FARSB: variants seen among roughly 807,000 people sequenced by gnomAD.
FARSB encodes the protein phenylalanyl-tRNA synthetase subunit beta, also known as phenylalanine--tRNA ligase beta subunit.
FARSB carries 40 observed loss-of-function variants against 69.6 expected under a neutral mutation model. That is an observed-to-expected ratio of 0.57 (90% CI 0.45 to 0.75). The LOEUF is 0.75. Ranked by LOEUF, FARSB falls within the 30% of genes least tolerant of loss-of-function variation. FARSB has a pLI of 0.00. For synonymous variants in FARSB, 235 were observed against 247.2 expected (o/e 0.95, Z 0.46); for missense variants, 632 against 722.9 (o/e 0.87, Z 1.44).
At chr2:222,583,829 A>G (rs985763282) in intron 16 of FARSB, among the ~76,000 whole-genome samples, 5 of 151,978 alleles carry the variant, frequency 3.3e-5, no homozygotes, top group Admixed American at 2.0e-4. Context: ...TTTAAGAGGC[A>G]TTTCCCCCTT....
rs1342079054 is a variant in FARSB, at chr2:222,570,382, A to T, written c.*1489T>A. Among the ~76,000 whole-genome samples, 1 of 152,222 alleles carries T rather than the reference A, an allele frequency of 6.6e-6. No individual in the cohort carries two copies. Among genetic ancestry groups the T allele is most frequent in the Non-Finnish European group, 1.5e-5 (1 of 68,040 alleles). ...ACAGAGCTGTGAAGGGTCAGCTGGA[A>T]GTGTGTGTGTTCACAAATCTTACAG... On this transcript the variant is annotated 3_prime_UTR_variant, in exon 17 of 17. Transcript: ENST00000281828.
chr2:222,587,420 C>G (rs1272960158), intron 16 of FARSB, among the ~76,000 whole-genome samples: 2 of 152,034 alleles, frequency 1.3e-5, no homozygotes, highest in Non-Finnish European at 2.9e-5. Context: ...GATCTAAAAT[C>G]AACATCCTAA....
intron 16 of FARSB, among the ~76,000 whole-genome samples, chr2:222,596,653 G>GA (rs1390558237): frequency 6.6e-6 from 1 of 152,108 alleles, no homozygotes; most frequent in African/African-American, 2.4e-5. Context: ...TTTCTTAGTT[G>GA]AAAAAGCTGT....
intron 16 of FARSB, among the ~76,000 whole-genome samples, chr2:222,588,702 C>G (rs912055971): frequency 2.0e-5 from 3 of 152,184 alleles, no homozygotes; most frequent in African/African-American, 7.2e-5. Flanking sequence ...CACAAGCATT[C>G]CTGTACACCA....
At chr2:222,641,376 A>G (rs999473206) in intron 3 of FARSB, among the ~76,000 whole-genome samples, 1 of 152,214 alleles carries the variant, frequency 6.6e-6, no homozygotes, top group African/African-American at 2.4e-5. Flanking sequence ...AAAATAAGTG[A>G]AGACAAAGAT....
chr2:222,631,048 A>G (rs1691410092), intron 8 of FARSB, among the ~76,000 whole-genome samples: 1 of 152,200 alleles, frequency 6.6e-6, no homozygotes, highest in Admixed American at 6.5e-5. Flanking sequence ...ATGTCATAGA[A>G]AAAGCTTTCA....
chr2:222,613,135 C>T (rs564510605), intron 15 of FARSB, among the ~76,000 whole-genome samples: 31 of 152,270 alleles, frequency 2.0e-4, no homozygotes, highest in African/African-American at 5.3e-4. Context: ...AAAATGCTTT[C>T]CATTAAAAGA....
intron 1 of FARSB, among the ~76,000 whole-genome samples, chr2:222,652,032 C>T (rs1225593398): frequency 2.6e-5 from 4 of 152,278 alleles, no homozygotes; most frequent in Non-Finnish European, 5.9e-5. Context: ...CTCCCATTTC[C>T]GCCCCTTTGA....
rs529556587 is a variant in FARSB at position 222,605,384 on chromosome 2, T to G, written c.1463-5301A>C. Among the ~76,000 whole-genome samples the G allele has an allele frequency of 2.6e-5, 4 of 152,284 alleles. No individual in the cohort carries two copies. The South Asian group carries it at 8.3e-4, about 32-fold the overall frequency. Reference sequence around the variant, plus strand: ...GTATTGAAACAACTTTGGAGTTCCATTTTTGCTGTGAGAGAAGAGCCCAAC... The same window carrying G: ...GTATTGAAACAACTTTGGAGTTCCAGTTTTGCTGTGAGAGAAGAGCCCAAC... On this transcript the variant is annotated intron_variant, in intron 15 of 16. Transcript: ENST00000281828.
At chr2:222,645,012 C>T (rs1691813605) in intron 2 of FARSB, among the ~76,000 whole-genome samples, 1 of 149,890 alleles carries the variant, frequency 6.7e-6, no homozygotes, top group Non-Finnish European at 1.5e-5. Context: ...CAGAAGCTTA[C>T]ATCTTCTTTC....
intron 12 of FARSB, 84 bp from the exon 13 acceptor site, chr2:222,623,814 A>T: frequency 1.2e-6 from 1 of 826,404 alleles, no homozygotes; most frequent in South Asian, 1.5e-5. Flanking sequence ...ATGCCATTAA[A>T]ACTTTTTTAA....
At chr2:222,605,002 C>T (rs1690663767) in intron 15 of FARSB, among the ~76,000 whole-genome samples, 1 of 152,112 alleles carries the variant, frequency 6.6e-6, no homozygotes, top group Non-Finnish European at 1.5e-5. Context: ...GAGGAGCATA[C>T]CACTGTCACC....
chr2:222,656,053 C>G lies in FARSB; in HGVS notation c.21G>C (p.Lys7Asn). 1 of 1,597,898 alleles carries G rather than the reference C, an allele frequency of 6.3e-7. No homozygotes were observed. The highest frequency in any genetic ancestry group is 8.5e-7 in the Non-Finnish European group (1 of 1,173,558). The stretch of plus-strand genomic sequence containing the variant: ...CCAGGGCTTGGAAGAGCAGATCACG[C>G]TTCACGCTGACAGTCGGCATGGTGT... MPTVSV[K>N]RDLLFQALGR... The change falls in exon 1 of 17, where the codon AAG becomes AAC. Residue 7 changes from lysine (K) to asparagine (N), a missense_variant. Lys to Asn is a moderately conservative substitution (Grantham distance 94). Coordinates refer to ENST00000281828, the MANE Select transcript of FARSB (RefSeq NM_005687.5).
intron 5 of FARSB, 27 bp from the exon 6 acceptor site, chr2:222,634,568 G>T: frequency 6.4e-7 from 1 of 1,568,520 alleles, no homozygotes; most frequent in South Asian, 1.2e-5. Flanking sequence ...TGAGGGAGAA[G>T]GAGGGAGGAA....
intron 16 of FARSB, among the ~76,000 whole-genome samples, chr2:222,597,074 G>C (rs560528305): frequency 2.0e-5 from 3 of 152,300 alleles, no homozygotes; most frequent in African/African-American, 7.2e-5. Flanking sequence ...CTCAGAGCTA[G>C]ATGTGTGCCC....
chr2:222,640,956 A>G (rs765029035), intron 3 of FARSB, 25 bp from the exon 4 acceptor site: 1 of 1,134,090 alleles, frequency 8.8e-7, no homozygotes, highest in Non-Finnish European at 1.3e-6. Flanking sequence ...AAATGAATTT[A>G]CTCATAATTA....
chr2:222,615,587 A>G (rs1690975901), intron 14 of FARSB, among the ~76,000 whole-genome samples: 1 of 152,130 alleles, frequency 6.6e-6, no homozygotes, highest in Non-Finnish European at 1.5e-5. Context: ...CTCTGCTCCT[A>G]CATTCTTCCT....
At chr2:222,626,064 TA>T (rs1178236667) in intron 10 of FARSB, among the ~76,000 whole-genome samples, 2 of 151,868 alleles carry the variant, frequency 1.3e-5, no homozygotes, top group African/African-American at 2.4e-5. Flanking sequence ...CTGGCCAATG[TA>T]GTGAAACCCC....
intron 9 of FARSB, among the ~76,000 whole-genome samples, chr2:222,629,794 G>A (rs1239739598): frequency 5.3e-5 from 8 of 152,006 alleles, no homozygotes; most frequent in Admixed American, 2.6e-4. Context: ...AGTCTCAAGT[G>A]CAGTGGCACA....
Sources: gnomAD v4.1 joint callset for allele counts (sites outside exome capture counted in the v4.1 genomes callset) on GRCh38, gnomAD v4.1.1 for gene constraint, MANE v1.5 for transcripts, NCBI Gene and HGNC (gene_info 2026-07-23, HGNC 2026-07-21) for gene names.